Variants in BFSP2 observed in about 807,000 individuals in gnomAD.
BFSP2 encodes beaded filament structural protein 2.
BFSP2 carries 38 observed loss-of-function variants against 44.9 expected under a neutral mutation model. The ratio of observed to expected loss-of-function variants is 0.85; its 90% CI spans 0.65 to 1.11. The LOEUF (loss-of-function observed/expected upper bound fraction) is 1.11, where lower values mean the gene tolerates loss of function less well. Among genes scored for constraint, BFSP2 ranks in the 50% least tolerant of loss-of-function variants. The pLI, the probability that BFSP2 is intolerant of heterozygous loss-of-function variation, is 0.00. For synonymous variants in BFSP2, 197 were observed against 209.9 expected (o/e 0.94, Z 0.53); for missense variants, 525 against 533.0 (o/e 0.99, Z 0.15).
At chr3:133,428,608 C>A (rs2073676899) in intron 1 of BFSP2, among the ~76,000 whole-genome samples, 1 of 152,208 alleles carries the variant, frequency 6.6e-6, no homozygotes, top group Non-Finnish European at 1.5e-5. Flanking sequence ...TTCTGAGGAA[C>A]TTAGATTCCT....
chr3:133,422,914 G>A (rs943254112), intron 1 of BFSP2, among the ~76,000 whole-genome samples: 7 of 152,164 alleles, frequency 4.6e-5, no homozygotes, highest in Non-Finnish European at 1.0e-4. Flanking sequence ...TTTCTAACTT[G>A]GACAGCCCCA....
In BFSP2 at chr3:133,400,340, A is replaced by G. The variant is rs2073351876; in HGVS notation, c.257A>G (p.Gln86Arg). 1 of 1,613,996 alleles carries G rather than the reference A, an allele frequency of 6.2e-7. No individual in the cohort carries two copies. The highest frequency in any genetic ancestry group is 8.5e-7 in the Non-Finnish European group (1 of 1,180,028). ...CTCGGCATCAGCAGTGTCTTCCTTC[A>G]GGGCCTGCGGAGCTCAGGCCTGGCC... ...RALGISSVFL[Q>R]GLRSSGLATV... Residue 86 changes from glutamine (Q) to arginine (R), a missense_variant, in exon 1 of 7, where the codon CAG becomes CGG. Physicochemically the swap from Gln to Arg is conservative, Grantham distance 43. Coordinates refer to ENST00000302334, the MANE Select transcript of BFSP2 (RefSeq NM_003571.4). This position sits in a 1 kb window ranked among gnomAD's most constrained non-coding sequence, Gnocchi z 4.0.
At chr3:133,474,234 AT>A (rs2074192434) in intron 6 of BFSP2, among the ~76,000 whole-genome samples, 2 of 152,148 alleles carry the variant, frequency 1.3e-5, no homozygotes, top group Admixed American at 6.5e-5. Context: ...CTTGTCTGAC[AT>A]ATGTTGAATA....
At chr3:133,471,125 G>A (rs1236490115) in intron 5 of BFSP2, among the ~76,000 whole-genome samples, 1 of 152,238 alleles carries the variant, frequency 6.6e-6, no homozygotes, top group Admixed American at 6.5e-5. Context: ...GGGCCCTGGG[G>A]AGCCATCAAT....
chr3:133,437,452 G>A lies in BFSP2; in HGVS notation c.490-9865G>A, dbSNP rs146210147. Among the ~76,000 whole-genome samples, 393 of 152,134 alleles carry A rather than the reference G, an allele frequency of 2.6e-3. 1 individual carries two copies. Among genetic ancestry groups the A allele is most frequent in the African/African-American group, 9.2e-3 (382 of 41,478 alleles). ...GCAGGAGAATTGCTTGAACCCAGGA[G>A]GTGGAGGTTGCGGCGAGCCGAGATC... On this transcript the variant is annotated intron_variant, in intron 1 of 6. Transcript: ENST00000302334.
At chr3:133,404,265 A>G (rs969599835) in intron 1 of BFSP2, among the ~76,000 whole-genome samples, 3 of 152,188 alleles carry the variant, frequency 2.0e-5, no homozygotes, top group Non-Finnish European at 1.5e-5. Flanking sequence ...ACAATGGAGT[A>G]TGGACCAGGG....
chr3:133,400,399 G>A lies in BFSP2; in HGVS notation c.316G>A (p.Gly106Ser). The change falls in exon 1 of 7, where the codon GGT becomes AGT. Residue 106 changes from glycine to serine, a missense_variant. Gly to Ser is a moderately conservative substitution (Grantham distance 56). Coordinates refer to ENST00000302334, the MANE Select transcript of BFSP2 (RefSeq NM_003571.4). This position sits in a 1 kb window ranked among gnomAD's most constrained non-coding sequence, Gnocchi z 4.0. ...VPAPGLERDH[G>S]AVEDLGGCLV... ...GGCTCCAGGTTTGGAGAGGGACCAT[G>A]GTGCTGTTGAGGACCTAGGGGGCTG... is the stretch of plus-strand genomic sequence containing the variant. The A allele has an allele frequency of 1.9e-6, 3 of 1,614,082 alleles. No homozygotes were observed. The highest frequency in any genetic ancestry group is 2.5e-6 in the Non-Finnish European group (3 of 1,180,042).
chr3:133,453,117 T>G (rs2073980648), intron 4 of BFSP2, among the ~76,000 whole-genome samples: 1 of 152,204 alleles, frequency 6.6e-6, no homozygotes, highest in Non-Finnish European at 1.5e-5. Flanking sequence ...TCAGAAAATA[T>G]TTGCAGAATG....
intron 1 of BFSP2, among the ~76,000 whole-genome samples, chr3:133,425,278 G>C (rs1427982941): frequency 2.6e-5 from 4 of 152,184 alleles, no homozygotes; most frequent in Non-Finnish European, 4.4e-5. Context: ...GGTCTAGAAG[G>C]GATGAAGTGT....
At position 133,400,304 on chromosome 3, in the gene BFSP2, C is replaced by T. The variant is rs763339964; in HGVS notation, c.221C>T (p.Thr74Ile). The T allele has an allele frequency of 8.7e-6, 14 of 1,614,020 alleles. No homozygotes were observed. Among genetic ancestry groups the T allele is most frequent in the Middle Eastern group, 1.7e-4 (1 of 6,058 alleles). ...ATAGGTGGCTTGGGTGCCCGTGTGA[C>T]CCGCCGGGCCCTCGGCATCAGCAGT... Reference protein sequence around the residue: ...GCIGGLGARVTRRALGISSVF... With the variant: ...GCIGGLGARVIRRALGISSVF... The change falls in exon 1 of 7, where the codon ACC becomes ATC. Residue 74 changes from threonine to isoleucine, a missense_variant. Thr to Ile is a moderately conservative substitution (Grantham distance 89). Transcript: ENST00000302334. The surrounding 1 kb of genome is among the most constrained non-coding windows in gnomAD (Gnocchi z 4.0).
chr3:133,400,870 C>T lies in BFSP2; in HGVS notation c.489+298C>T, dbSNP rs1442677508. 6.6e-6 allele frequency among the ~76,000 whole-genome samples: 1 copy of T among 152,106 alleles called. No individual in the cohort carries two copies. Among genetic ancestry groups the T allele is most frequent in the Non-Finnish European group, 1.5e-5 (1 of 68,026 alleles). ...GAGAAACTGAGGCATGTAATTTGCC[C>T]AAGACTTCAAAGCTAGTAGAGGGAT... is the stretch of plus-strand genomic sequence containing the variant. On this transcript the variant is annotated intron_variant, in intron 1 of 6. Transcript: ENST00000302334. This position sits in a 1 kb window ranked among gnomAD's most constrained non-coding sequence, Gnocchi z 4.0.
At chr3:133,430,776 T>C (rs1290549219) in intron 1 of BFSP2, among the ~76,000 whole-genome samples, 2 of 152,004 alleles carry the variant, frequency 1.3e-5, no homozygotes, top group Non-Finnish European at 2.9e-5. Context: ...TTTCTAATCT[T>C]CCTTTTCTAC....
Position 133,400,249 on chromosome 3 carries a change from G to A in BFSP2, c.166G>A (p.Val56Ile). 1 of 1,613,972 alleles carries A rather than the reference G, an allele frequency of 6.2e-7. No homozygotes were observed. The highest frequency in any genetic ancestry group is 8.5e-7 in the Non-Finnish European group (1 of 1,179,936). ...GAGTGGCCTTGTCCGAGCACCCGGG[G>A]TCTATGTAGGAACAGCACCCAGTGG... Reference protein sequence around the residue: ...AMSGLVRAPGVYVGTAPSGCI... With the variant: ...AMSGLVRAPGIYVGTAPSGCI... The change falls in exon 1 of 7, where the codon GTC becomes ATC. Residue 56 changes from valine to isoleucine, a missense_variant. By Grantham distance (29) the Val-to-Ile change is conservative. Transcript: ENST00000302334. The surrounding 1 kb of genome is among the most constrained non-coding windows in gnomAD (Gnocchi z 4.0).
At chr3:133,411,857 G>A (rs946593569) in intron 1 of BFSP2, among the ~76,000 whole-genome samples, 5 of 151,974 alleles carry the variant, frequency 3.3e-5, no homozygotes, top group Non-Finnish European at 7.4e-5. Flanking sequence ...GAAGCAAGAT[G>A]GTAAGAGAAA....
chr3:133,436,339 A>T (rs2073781249), intron 1 of BFSP2, among the ~76,000 whole-genome samples: 1 of 151,790 alleles, frequency 6.6e-6, no homozygotes, highest in Non-Finnish European at 1.5e-5. Context: ...AAAAAAAAAA[A>T]AAAAAAATCT....
At chr3:133,426,165 G>C (rs1404541758) in intron 1 of BFSP2, among the ~76,000 whole-genome samples, 1 of 151,662 alleles carries the variant, frequency 6.6e-6, no homozygotes, top group Non-Finnish European at 1.5e-5. Context: ...TCCCCTCTTG[G>C]AGCATCTGCA....
intron 1 of BFSP2, among the ~76,000 whole-genome samples, chr3:133,436,091 C>T (rs1028806049): frequency 1.7e-4 from 26 of 152,116 alleles, no homozygotes; most frequent in African/African-American, 5.3e-4. Context: ...AGGCTGGGCA[C>T]GATGGCTTAT....
intron 5 of BFSP2, among the ~76,000 whole-genome samples, chr3:133,471,165 G>A (rs1319167413): frequency 6.6e-6 from 1 of 152,236 alleles, no homozygotes; most frequent in African/African-American, 2.4e-5. Context: ...TACAGGCCCA[G>A]GTTTGGGCTT....
At chr3:133,466,100 C>T (rs1034059501) in intron 4 of BFSP2, among the ~76,000 whole-genome samples, 6 of 152,070 alleles carry the variant, frequency 3.9e-5, no homozygotes, top group Non-Finnish European at 8.8e-5. Flanking sequence ...AAACTGCAAT[C>T]GCCTTTGCAC....
Sources: allele counts gnomAD v4.1 joint callset (sites outside exome capture counted in the v4.1 genomes callset), GRCh38; gene constraint gnomAD v4.1.1; non-coding constraint Gnocchi (gnomAD v3.1); transcripts MANE v1.5; gene names NCBI Gene and HGNC (gene_info 2026-07-23, HGNC 2026-07-21).